Variants in KIRREL3 observed in about 807,000 individuals in gnomAD.
KIRREL3 encodes the protein kirre like nephrin family adhesion molecule 3.
In KIRREL3, 36 loss-of-function variants were observed where a neutral mutation model predicts 89.7. The ratio of observed to expected loss-of-function variants is 0.40; its 90% CI spans 0.31 to 0.53. The LOEUF (loss-of-function observed/expected upper bound fraction) is 0.53. Among genes scored for constraint, KIRREL3 ranks in the 20% least tolerant of loss-of-function variants. KIRREL3 has a pLI of 0.49. For missense variants in KIRREL3, 864 were observed against 1,056.6 expected (o/e 0.82, Z 2.53); for synonymous variants, 445 against 441.4 (o/e 1.01, Z -0.10).
At position 126,697,971 on chromosome 11, in the gene KIRREL3, A is replaced by G. The variant is rs113163697; in HGVS notation, c.56-135059T>C. ...GAGCAAGTGCCAAGAAGGGAAGATG[A>G]CAACGCTGGTGAAGTCTGAACAAAT... On this transcript the variant is annotated intron_variant, in intron 1 of 16. Transcript: ENST00000525144. The surrounding 1 kb of genome is among the most constrained non-coding windows in gnomAD (Gnocchi z 4.2). Among the ~76,000 whole-genome samples the G allele has an allele frequency of 9.3e-4, 141 of 152,352 alleles. 1 individual carries two copies. Among genetic ancestry groups the G allele is most frequent in the African/African-American group, 3.2e-3 (135 of 41,592 alleles).
chr11:126,563,868 C>T lies in KIRREL3; in HGVS notation c.56-956G>A, dbSNP rs546708309. 1.2e-4 allele frequency among the ~76,000 whole-genome samples: 18 copies of T among 152,218 alleles called. No homozygotes were observed. Among genetic ancestry groups the T allele is most frequent in the Middle Eastern group, 6.8e-3 (2 of 294 alleles). On this transcript the variant is annotated intron_variant, in intron 1 of 16. Coordinates refer to ENST00000525144, the MANE Select transcript of KIRREL3 (RefSeq NM_032531.4). The surrounding 1 kb of genome is among the most constrained non-coding windows in gnomAD (Gnocchi z 6.8). ...ATAGCACACTAATTTTTTTGACCCC[C>T]CTCTACCCCCAAACAACTCACTGAG... is the stretch of plus-strand genomic sequence containing the variant.
intron 2 of KIRREL3, among the ~76,000 whole-genome samples, chr11:126,532,773 T>G (rs1157844865): frequency 3.3e-5 from 5 of 152,090 alleles, no homozygotes; most frequent in Non-Finnish European, 5.9e-5. Context: ...CACCTATTGG[T>G]CAGTAACACT....
At chr11:126,960,943 G>T (rs1715386852) in intron 1 of KIRREL3, among the ~76,000 whole-genome samples, 1 of 151,930 alleles carries the variant, frequency 6.6e-6, no homozygotes, top group Non-Finnish European at 1.5e-5. Flanking sequence ...TATTATTAGG[G>T]CTATTATGGT....
chr11:126,964,424 G>A (rs1038774006), intron 1 of KIRREL3, among the ~76,000 whole-genome samples: 1 of 152,288 alleles, frequency 6.6e-6, no homozygotes, highest in Non-Finnish European at 1.5e-5. Flanking sequence ...TTGTCAGTGT[G>A]ACAGACTCTA....
At chr11:126,618,431 CT>C (rs113469058) in intron 1 of KIRREL3, among the ~76,000 whole-genome samples, 2 of 151,546 alleles carry the variant, frequency 1.3e-5, no homozygotes, top group African/African-American at 2.4e-5. Flanking sequence ...TTTTGTCTTT[CT>C]TTTTTTTTGT....
rs573690570 is a variant in KIRREL3 at position 126,564,916 on chromosome 11, C to T, written c.56-2004G>A. 1.5e-4 allele frequency among the ~76,000 whole-genome samples: 23 copies of T among 152,304 alleles called. No homozygotes were observed. The highest frequency in any genetic ancestry group is 2.1e-4 in the Non-Finnish European group (14 of 68,032). ...TTAACCAGCCCATTGTAATTGCACA[C>T]GCATTGTTCATCATTAGAATGATAC... is the stretch of plus-strand genomic sequence containing the variant. On this transcript the variant is annotated intron_variant, in intron 1 of 16. Coordinates refer to ENST00000525144, the MANE Select transcript of KIRREL3 (RefSeq NM_032531.4). This position sits in a 1 kb window ranked among gnomAD's most constrained non-coding sequence, Gnocchi z 7.4.
rs1470674157 is a variant in KIRREL3, at chr11:126,685,862, C to T, written c.56-122950G>A. On this transcript the variant is annotated intron_variant, in intron 1 of 16. Transcript: ENST00000525144. This position sits in a 1 kb window ranked among gnomAD's most constrained non-coding sequence, Gnocchi z 5.5. ...GATGGCCGACCCACTGGATCGGGGC[C>T]ACTGGAGACTTTTTCCCTCATGCTG... is the stretch of plus-strand genomic sequence containing the variant. Among the ~76,000 whole-genome samples the T allele has an allele frequency of 2.0e-5, 3 of 152,186 alleles. No individual in the cohort carries two copies. Among genetic ancestry groups the T allele is most frequent in the Admixed American group, 6.5e-5 (1 of 15,286 alleles).
At chr11:126,964,964 C>T (rs1281333548) in intron 1 of KIRREL3, among the ~76,000 whole-genome samples, 1 of 152,166 alleles carries the variant, frequency 6.6e-6, no homozygotes, top group Non-Finnish European at 1.5e-5. Context: ...ATACTAAGCA[C>T]TTCATGTTCA....
At chr11:126,992,129 C>G (rs1413352418) in intron 1 of KIRREL3, among the ~76,000 whole-genome samples, 2 of 152,162 alleles carry the variant, frequency 1.3e-5, no homozygotes, top group Admixed American at 6.5e-5. Context: ...AAAGAATTTG[C>G]CAGGCACCTA....
At position 126,491,316 on chromosome 11, in the gene KIRREL3, C is replaced by T. The variant is rs777586262; in HGVS notation, c.434-17850G>A. Among the ~76,000 whole-genome samples the T allele has an allele frequency of 6.6e-6, 1 of 152,306 alleles. No individual in the cohort carries two copies. Among genetic ancestry groups the T allele is most frequent in the Non-Finnish European group, 1.5e-5 (1 of 68,018 alleles). ...GAATGTAATGTGAGCCCAAGGAGGG[C>T]GGGCGCGTGCTGGCTCTGAGCGGGT... On this transcript the variant is annotated intron_variant, in intron 4 of 16. Transcript: ENST00000525144. This position sits in a 1 kb window ranked among gnomAD's most constrained non-coding sequence, Gnocchi z 5.5.
In KIRREL3 at chr11:126,461,193, G is replaced by A. The variant is rs970058272; in HGVS notation, c.742+1964C>T. 3.9e-5 allele frequency among the ~76,000 whole-genome samples: 6 copies of A among 152,250 alleles called. No individual in the cohort carries two copies. In the East Asian group the frequency reaches 5.8e-4, roughly 15 times the overall value. ...CAGCCCACCCATGGGTTGTGGAGCC[G>A]TCGTGGATGCTGGACTGCATGGCTT... On this transcript the variant is annotated intron_variant, in intron 6 of 16. Coordinates refer to ENST00000525144, the MANE Select transcript of KIRREL3 (RefSeq NM_032531.4).
intron 1 of KIRREL3, among the ~76,000 whole-genome samples, chr11:126,810,611 T>C (rs1322557552): frequency 6.6e-6 from 1 of 152,192 alleles, no homozygotes; most frequent in Non-Finnish European, 1.5e-5. Context: ...AGATCATCTC[T>C]GTGCTCAGGC....
intron 1 of KIRREL3, among the ~76,000 whole-genome samples, chr11:126,880,637 G>GTTTTTTTT (rs34608539): frequency 7.0e-6 from 1 of 142,876 alleles, no homozygotes; most frequent in Non-Finnish European, 1.5e-5. Flanking sequence ...AAAAGTTGTG[G>GTTTTTTTT]TTTTTTTTTT....
At chr11:126,588,433 G>T (rs1037419328) in intron 1 of KIRREL3, among the ~76,000 whole-genome samples, 1 of 152,210 alleles carries the variant, frequency 6.6e-6, no homozygotes, top group African/African-American at 2.4e-5. Context: ...TGGCTGATAG[G>T]GGTGGGAATA....
chr11:126,759,992 C>T (rs1949619520), intron 1 of KIRREL3, among the ~76,000 whole-genome samples: 1 of 152,188 alleles, frequency 6.6e-6, no homozygotes, highest in African/African-American at 2.4e-5. Context: ...CCCCAGGACT[C>T]CCTACACAGA....
At chr11:126,559,861 T>A (rs1047300656) in intron 2 of KIRREL3, among the ~76,000 whole-genome samples, 3 of 152,090 alleles carry the variant, frequency 2.0e-5, no homozygotes, top group African/African-American at 7.2e-5. Context: ...TTTTGTATTT[T>A]TAGTAGAGAC....
At chr11:126,792,590 A>T (rs1303149302) in intron 1 of KIRREL3, among the ~76,000 whole-genome samples, 5 of 152,226 alleles carry the variant, frequency 3.3e-5, no homozygotes, top group Admixed American at 2.0e-4. Context: ...TATACAAGGC[A>T]GCTCACAGCA....
At chr11:126,885,922 G>C (rs1023084051) in intron 1 of KIRREL3, among the ~76,000 whole-genome samples, 2 of 152,166 alleles carry the variant, frequency 1.3e-5, no homozygotes, top group Admixed American at 6.5e-5. Flanking sequence ...ACTGATTATG[G>C]GATATTGAAC....
chr11:126,541,156 A>G lies in KIRREL3; in HGVS notation c.134-14469T>C, dbSNP rs189647397. Among the ~76,000 whole-genome samples, 417 of 152,262 alleles carry G rather than the reference A, an allele frequency of 2.7e-3. 1 individual carries two copies. The highest frequency in any genetic ancestry group is 4.2e-3 in the Admixed American group (64 of 15,288). ...GCTAGGTCATGGATTGGCTGACTCC[A>G]AGATGCCCAGCACCTCTTGCTCCCA... On this transcript the variant is annotated intron_variant, in intron 2 of 16. Coordinates refer to ENST00000525144, the MANE Select transcript of KIRREL3 (RefSeq NM_032531.4). The surrounding 1 kb of genome is among the most constrained non-coding windows in gnomAD (Gnocchi z 4.8).
Sources: allele counts gnomAD v4.1 joint callset (sites outside exome capture counted in the v4.1 genomes callset), GRCh38; gene constraint gnomAD v4.1.1; non-coding constraint Gnocchi (gnomAD v3.1); transcripts MANE v1.5; gene names NCBI Gene and HGNC (gene_info 2026-07-23, HGNC 2026-07-21).